The following NXPH1 variants were observed in gnomAD, a reference collection of about 807,000 sequenced individuals.
The protein encoded by NXPH1 is neurexophilin-1.
NXPH1 carries 5 observed loss-of-function variants against 23.7 expected under a neutral mutation model. That is an observed-to-expected ratio of 0.21 (90% CI 0.11 to 0.44). The LOEUF (loss-of-function observed/expected upper bound fraction) is 0.44, where lower values mean the gene tolerates loss of function less well. Ranked by LOEUF, NXPH1 falls within the 20% of genes least tolerant of loss-of-function variation. The probability of loss-of-function intolerance (pLI) is 0.99; values close to 1 mark genes in which losing one functional copy is unlikely to be tolerated. For missense variants in NXPH1, 324 were observed against 321.6 expected, an observed-to-expected ratio of 1.01 and a Z score of -0.06; for synonymous variants, 144 against 122.2, an observed-to-expected ratio of 1.18 and a Z score of -1.18.
chr7:8,716,415 A>T (rs1017006), intron 2 of NXPH1, among the ~76,000 whole-genome samples: 1 of 151,756 alleles, frequency 6.6e-6, no homozygotes, highest in Non-Finnish European at 1.5e-5. Context: ...CGGCACCAAT[A>T]TTGTTTGCAT....
intron 2 of NXPH1, among the ~76,000 whole-genome samples, chr7:8,692,173 G>T (rs1362542279): frequency 6.6e-6 from 1 of 151,796 alleles, no homozygotes; most frequent in African/African-American, 2.4e-5. Context: ...AGGATAAAGA[G>T]TTCAGATTTT....
chr7:8,575,231 T>C (rs1204649366), intron 2 of NXPH1, among the ~76,000 whole-genome samples: 1 of 152,206 alleles, frequency 6.6e-6, no homozygotes, highest in South Asian at 2.1e-4. Context: ...AGGTCAGTTC[T>C]CTTTATGACA....
chr7:8,710,748 C>G (rs572804882), intron 2 of NXPH1, among the ~76,000 whole-genome samples: 4 of 136,974 alleles, frequency 2.9e-5, no homozygotes, highest in African/African-American at 9.3e-5. Flanking sequence ...CTGCAAGCTC[C>G]GCTTCCCGGG....
chr7:8,607,750 AAT>A (rs1419554243), intron 2 of NXPH1, among the ~76,000 whole-genome samples: 2 of 152,218 alleles, frequency 1.3e-5, no homozygotes, highest in Non-Finnish European at 2.9e-5. Flanking sequence ...TGTGGGTTGA[AAT>A]ATGTTCCCCA....
At chr7:8,541,604 A>G (rs559009007) in intron 2 of NXPH1, among the ~76,000 whole-genome samples, 2 of 151,850 alleles carry the variant, frequency 1.3e-5, no homozygotes, top group East Asian at 3.9e-4. Context: ...ATGGGTAAAT[A>G]AAGAAGAATT....
chr7:8,751,380 G>T lies in NXPH1; in HGVS notation c.427G>T (p.Asp143Tyr). The T allele has an allele frequency of 6.2e-7, 1 of 1,613,898 alleles. No individual in the cohort carries two copies. Among genetic ancestry groups the T allele is most frequent in the Non-Finnish European group, 8.5e-7 (1 of 1,179,850 alleles). The change falls in exon 3 of 3, where the codon GAT becomes TAT. Residue 143 changes from aspartate (D) to tyrosine (Y), a missense_variant. Transcript: ENST00000405863. The surrounding 1 kb of genome is among the most constrained non-coding windows in gnomAD (Gnocchi z 4.5). ...LNLLITGKIV[D>Y]HGNGTFSVYF... ...CCTGTTGATAACTGGGAAAATTGTAGATCATGGCAATGGGACATTTAGTGT... is the reference window on the plus strand; with the variant it reads ...CCTGTTGATAACTGGGAAAATTGTATATCATGGCAATGGGACATTTAGTGT...
chr7:8,554,380 C>T (rs749178557), intron 2 of NXPH1, among the ~76,000 whole-genome samples: 1 of 151,562 alleles, frequency 6.6e-6, no homozygotes, highest in Non-Finnish European at 1.5e-5. Context: ...GATTGACTCA[C>T]ATCCATCAGA....
intron 2 of NXPH1, among the ~76,000 whole-genome samples, chr7:8,565,766 C>G (rs74851769): frequency 0.082 from 12,437 of 151,674 alleles, 1,656 homozygotes; most frequent in African/African-American, 0.28. Flanking sequence ...CTTGGCCCAT[C>G]GTTACTTTTA....
intron 2 of NXPH1, among the ~76,000 whole-genome samples, chr7:8,719,141 AT>A (rs1468406472): frequency 3.3e-5 from 5 of 152,230 alleles, no homozygotes; most frequent in African/African-American, 1.2e-4. Flanking sequence ...TCTCTTAAAA[AT>A]TTAATTATTC....
chr7:8,534,029 G>T (rs1414474254), intron 2 of NXPH1, among the ~76,000 whole-genome samples: 1 of 152,014 alleles, frequency 6.6e-6, no homozygotes, highest in African/African-American at 2.4e-5. Flanking sequence ...AACATATTGT[G>T]CTTCCATGAT....
At chr7:8,440,220 T>G (rs1245015721) in intron 2 of NXPH1, among the ~76,000 whole-genome samples, 1 of 152,220 alleles carries the variant, frequency 6.6e-6, no homozygotes, top group African/African-American at 2.4e-5. Flanking sequence ...ATTCTAGGCA[T>G]TTCCCTGAAA....
intron 2 of NXPH1, among the ~76,000 whole-genome samples, chr7:8,527,738 A>G (rs867899888): frequency 1.3e-5 from 2 of 152,314 alleles, no homozygotes; most frequent in African/African-American, 4.8e-5. Flanking sequence ...TCATTCATCC[A>G]GGATCCAATA....
At chr7:8,727,751 T>C (rs1265657594) in intron 2 of NXPH1, among the ~76,000 whole-genome samples, 7 of 152,176 alleles carry the variant, frequency 4.6e-5, no homozygotes, top group Non-Finnish European at 8.8e-5. Flanking sequence ...CCTTGTAGTA[T>C]AGTTTGAAGT....
rs762536197 is a variant in NXPH1, at chr7:8,442,223, G to A, written c.54+6456G>A. Among the ~76,000 whole-genome samples the A allele has an allele frequency of 4.2e-4, 64 of 152,246 alleles. No homozygotes were observed. The highest frequency in any genetic ancestry group is 9.2e-4 in the Admixed American group (14 of 15,286). On this transcript the variant is annotated intron_variant, in intron 2 of 2. Transcript: ENST00000405863. The surrounding 1 kb of genome is among the most constrained non-coding windows in gnomAD (Gnocchi z 4.6). Reference sequence around the variant, plus strand: ...GGGGGAGACACAGGCCGCATCCAGAGCGCATCGCCTCATCTGCATGAGAAT... The same window carrying A: ...GGGGGAGACACAGGCCGCATCCAGAACGCATCGCCTCATCTGCATGAGAAT...
rs1584152496 is a variant in NXPH1, at chr7:8,435,373, G to A, written c.-110-231G>A. 2 of 391,590 alleles carry A rather than the reference G, an allele frequency of 5.1e-6. No homozygotes were observed. Among genetic ancestry groups the A allele is most frequent in the Non-Finnish European group, 9.4e-6 (2 of 213,826 alleles). 24.3% of individuals were successfully genotyped at this position (391,590 alleles called of 1,614,324 possible). A position where few individuals can be genotyped will look rare whatever the true frequency, so the allele number is the denominator to read the frequency against. ...GGGAACTCGCACCCGAGGAGCGCAG[G>A]GGGCAAGGAGCCCCTCACCCTCCCT... On this transcript the variant is annotated intron_variant, in intron 1 of 2. Transcript: ENST00000405863. This position sits in a 1 kb window ranked among gnomAD's most constrained non-coding sequence, Gnocchi z 5.9.
intron 2 of NXPH1, among the ~76,000 whole-genome samples, chr7:8,605,044 T>A (rs534735912): frequency 6.6e-6 from 1 of 152,280 alleles, no homozygotes; most frequent in South Asian, 2.1e-4. Context: ...TATTGCCATA[T>A]TTACTTCTAT....
Position 8,672,758 on chromosome 7 carries a change from C to T in NXPH1, c.55-78250C>T, listed in dbSNP as rs114063385. On this transcript the variant is annotated intron_variant, in intron 2 of 2. Transcript: ENST00000405863. Reference sequence around the variant, plus strand: ...CACTGTGTGCTAACAGCTGTGGGTCCGTCCTCCTTTTCCAACTTTGAGAAA... The same window carrying T: ...CACTGTGTGCTAACAGCTGTGGGTCTGTCCTCCTTTTCCAACTTTGAGAAA... Among the ~76,000 whole-genome samples, 603 of 152,234 alleles carry T rather than the reference C, an allele frequency of 4.0e-3. 2 individuals carry two copies. Among genetic ancestry groups the T allele is most frequent in the African/African-American group, 0.014 (566 of 41,546 alleles).
chr7:8,493,921 T>A (rs547261983), intron 2 of NXPH1, among the ~76,000 whole-genome samples: 9 of 152,146 alleles, frequency 5.9e-5, no homozygotes, highest in Non-Finnish European at 1.2e-4. Context: ...ATGGGATATT[T>A]TATCATGTTT....
intron 2 of NXPH1, among the ~76,000 whole-genome samples, chr7:8,600,151 T>C (rs1301057804): frequency 6.6e-6 from 1 of 152,114 alleles, no homozygotes; most frequent in Non-Finnish European, 1.5e-5. Context: ...CAAAAAATGA[T>C]TATTGCAGGG....
Sources: allele counts gnomAD v4.1 joint callset (sites outside exome capture counted in the v4.1 genomes callset), GRCh38; gene constraint gnomAD v4.1.1; non-coding constraint Gnocchi (gnomAD v3.1); transcripts MANE v1.5; gene names NCBI Gene and HGNC (gene_info 2026-07-23, HGNC 2026-07-21).